MAP3K21: variants seen among roughly 807,000 people sequenced by gnomAD.
MAP3K21 encodes the protein mitogen-activated protein kinase kinase kinase 21.
Under a neutral mutation model 86.1 loss-of-function variants are expected in MAP3K21, and 63 were observed. That is an observed-to-expected ratio of 0.73 (90% CI 0.60 to 0.90). The LOEUF (loss-of-function observed/expected upper bound fraction) is 0.90. Among genes scored for constraint, MAP3K21 ranks in the 40% least tolerant of loss-of-function variants. The pLI, the probability that MAP3K21 is intolerant of heterozygous loss-of-function variation, is 0.00. For missense variants in MAP3K21, 1,220 were observed against 1,367.7 expected (o/e 0.89, Z 1.70); for synonymous variants, 558 against 564.8 (o/e 0.99, Z 0.17).
chr1:233,380,897 T>G (rs1008904346), intron 9 of MAP3K21, among the ~76,000 whole-genome samples: 2 of 152,228 alleles, frequency 1.3e-5, no homozygotes, highest in Non-Finnish European at 2.9e-5. Context: ...GCGGTATTTT[T>G]TCCATTCCTA....
intron 4 of MAP3K21, among the ~76,000 whole-genome samples, chr1:233,357,962 T>C (rs1442326491): frequency 6.6e-6 from 1 of 152,096 alleles, no homozygotes; most frequent in Non-Finnish European, 1.5e-5. Flanking sequence ...GGGAAGTCTT[T>C]ATGGGATTCT....
chr1:233,377,394 A>G lies in MAP3K21; in HGVS notation c.1924+867A>G, dbSNP rs556184519. On this transcript the variant is annotated intron_variant, in intron 8 of 9. Transcript: ENST00000366624. ...ACAATGTAAATGTATTGAATTTGTT[A>G]TTGGTACTGTGCTCAATTTCACAAG... is the stretch of plus-strand genomic sequence containing the variant. 7.2e-5 allele frequency among the ~76,000 whole-genome samples: 11 copies of G among 152,312 alleles called. No individual in the cohort carries two copies. The South Asian group carries it at 1.5e-3, about 20-fold the overall frequency.
At chr1:233,376,090 A>T in intron 7 of MAP3K21, 24 bp downstream of exon 7, 9 of 1,575,528 alleles carry the variant, frequency 5.7e-6, no homozygotes, top group Non-Finnish European at 7.7e-6. Flanking sequence ...ATCTGGTGGT[A>T]TTCATTGTGT....
At chr1:233,339,395 C>T (rs1253122485) in intron 1 of MAP3K21, among the ~76,000 whole-genome samples, 11 of 98,582 alleles carry the variant, frequency 1.1e-4, no homozygotes, top group East Asian at 8.2e-4. Flanking sequence ...TTCTTCTCCT[C>T]CTTCTCCTCC....
rs1558451262 is a variant in MAP3K21 at position 233,339,385 on chromosome 1, T to TCC, written c.806-7057_806-7056insCC. Among the ~76,000 whole-genome samples, 181 of 111,394 alleles carry TCC rather than the reference T, an allele frequency of 1.6e-3. 3 individuals are homozygous for TCC. Among genetic ancestry groups the TCC allele is most frequent in the East Asian group, 3.3e-3 (10 of 2,996 alleles). The allele number at this position is 111,394 out of a possible 152,430, so 73.1% of individuals were successfully genotyped here. A position where few individuals can be genotyped will look rare whatever the true frequency, so the allele number is the denominator to read the frequency against. On this transcript the variant is annotated intron_variant, in intron 1 of 9. Transcript: ENST00000366624. ...CTTCTCCTCCTTCTCCTTCTTCTCC[T>TCC]TCTTCTCCTCCTTCTCCTCCTCCTC...
intron 4 of MAP3K21, 37 bp downstream of exon 4, chr1:233,355,048 T>C (rs777085726): frequency 4.7e-6 from 7 of 1,486,630 alleles, no homozygotes; most frequent in South Asian, 1.2e-5. Context: ...TGTACTCAAA[T>C]TTATGAAAAC....
At chr1:233,343,479 C>G (rs893862958) in intron 1 of MAP3K21, among the ~76,000 whole-genome samples, 1 of 152,176 alleles carries the variant, frequency 6.6e-6, no homozygotes, top group Non-Finnish European at 1.5e-5. Flanking sequence ...CATGCATTTC[C>G]TCACCACTCT....
chr1:233,368,234 C>T (rs1663616430), intron 5 of MAP3K21, among the ~76,000 whole-genome samples: 1 of 152,178 alleles, frequency 6.6e-6, no homozygotes, highest in Admixed American at 6.5e-5. Flanking sequence ...TGACTTTAGT[C>T]TAAACTGTTT....
chr1:233,328,909 A>C lies in MAP3K21; in HGVS notation c.805+76A>C. 7.9e-7 allele frequency: 1 copy of C among 1,263,932 alleles called. No individual in the cohort carries two copies. Among genetic ancestry groups the C allele is most frequent in the Admixed American group, 3.8e-5 (1 of 26,352 alleles). The allele number at this position is 1,263,932 out of a possible 1,614,324, so 78.3% of individuals were successfully genotyped here. A position where few individuals can be genotyped will look rare whatever the true frequency, so the allele number is the denominator to read the frequency against. On this transcript the variant is annotated intron_variant, in intron 1 of 9. Coordinates refer to ENST00000366624, the MANE Select transcript of MAP3K21 (RefSeq NM_032435.3). This position sits in a 1 kb window ranked among gnomAD's most constrained non-coding sequence, Gnocchi z 8.7. ...GGCGGGCTCCACAGGACATAGTACC[A>C]GATGGAAAGAGGTGGGAGTCAGCCT... is the stretch of plus-strand genomic sequence containing the variant.
chr1:233,376,613 G>T lies in MAP3K21; in HGVS notation c.1924+86G>T, dbSNP rs745509940. ...AGCTTTGCTTTTACAGTCTTACGTG[G>T]TCATTAAAGTAGCAGAGGGGAGATT... On this transcript the variant is annotated intron_variant, in intron 8 of 9. Coordinates refer to ENST00000366624, the MANE Select transcript of MAP3K21 (RefSeq NM_032435.3). 4.7e-6 allele frequency: 4 copies of T among 845,328 alleles called. No individual in the cohort carries two copies. The South Asian group carries it at 4.8e-5, about 10-fold the overall frequency. The allele number at this position is 845,328 out of a possible 1,614,324, so 52.4% of individuals were successfully genotyped here.
intron 2 of MAP3K21, among the ~76,000 whole-genome samples, chr1:233,347,730 A>G (rs905225659): frequency 1.3e-5 from 2 of 152,140 alleles, no homozygotes; most frequent in Non-Finnish European, 2.9e-5. Context: ...GGACTAAGAG[A>G]AGGTGGAGGG....
chr1:233,375,693 G>A (rs1325449532), intron 6 of MAP3K21: 8 of 500,172 alleles, frequency 1.6e-5, no homozygotes, highest in Middle Eastern at 5.0e-4. Context: ...AATTTACCTC[G>A]AATTTGTATC....
rs369143371 is a variant in MAP3K21 at position 233,328,220 on chromosome 1, G to A, written c.192G>A (p.Leu64=). 433 of 1,490,200 alleles carry A rather than the reference G, an allele frequency of 2.9e-4. No homozygotes were observed. Among genetic ancestry groups the A allele is most frequent in the Middle Eastern group, 6.8e-4 (3 of 4,394 alleles). The allele number at this position is 1,490,200 out of a possible 1,614,324, so 92.3% of individuals were successfully genotyped here. The part of the protein sequence containing the change: ...EDELSLRRGQ[L]VEVLSQDAAV... The stretch of plus-strand genomic sequence containing the variant: ...AGCTGAGCCTGCGGCGCGGCCAGCT[G>A]GTGGAGGTGCTGTCGCAGGACGCCG... The change falls in exon 1 of 10, where the codon CTG becomes CTA. Residue 64 remains leucine (L), a synonymous_variant. Coordinates refer to ENST00000366624, the MANE Select transcript of MAP3K21 (RefSeq NM_032435.3). The surrounding 1 kb of genome is among the most constrained non-coding windows in gnomAD (Gnocchi z 8.7).
chr1:233,328,895 C>G lies in MAP3K21; in HGVS notation c.805+62C>G. The stretch of plus-strand genomic sequence containing the variant: ...TCCGTGCCAGCCCAGGCGGGCTCCA[C>G]AGGACATAGTACCAGATGGAAAGAG... On this transcript the variant is annotated intron_variant, in intron 1 of 9. Transcript: ENST00000366624. The surrounding 1 kb of genome is among the most constrained non-coding windows in gnomAD (Gnocchi z 8.7). 1 of 1,362,492 alleles carries G rather than the reference C, an allele frequency of 7.3e-7. No homozygotes were observed. Among genetic ancestry groups the G allele is most frequent in the Non-Finnish European group, 9.5e-7 (1 of 1,049,764 alleles). 84.4% of individuals were successfully genotyped at this position (1,362,492 alleles called of 1,614,324 possible). A position where few individuals can be genotyped will look rare whatever the true frequency, so the allele number is the denominator to read the frequency against.
chr1:233,370,365 A>G (rs1663659383), intron 5 of MAP3K21, among the ~76,000 whole-genome samples: 1 of 152,212 alleles, frequency 6.6e-6, no homozygotes, highest in African/African-American at 2.4e-5. Context: ...AATGGGATTC[A>G]GATCTAAGTT....
At position 233,328,227 on chromosome 1, in the gene MAP3K21, G is replaced by A; in HGVS notation, c.199G>A (p.Val67Met). 1 of 1,490,892 alleles carries A rather than the reference G, an allele frequency of 6.7e-7. No individual in the cohort carries two copies. The highest frequency in any genetic ancestry group is 2.9e-5 in the East Asian group (1 of 34,592). 92.4% of individuals were successfully genotyped at this position (1,490,892 alleles called of 1,614,324 possible). Residue 67 changes from valine to methionine, a missense_variant, in exon 1 of 10, where the codon GTG becomes ATG. By Grantham distance (21) the Val-to-Met change is conservative. This residue lies in a region of MAP3K21 where 369 missense variants were observed against 385.3 expected (regional missense o/e 0.96). Coordinates refer to ENST00000366624, the MANE Select transcript of MAP3K21 (RefSeq NM_032435.3). The surrounding 1 kb of genome is among the most constrained non-coding windows in gnomAD (Gnocchi z 8.7). ...LSLRRGQLVE[V>M]LSQDAAVSGD... ...CCTGCGGCGCGGCCAGCTGGTGGAG[G>A]TGCTGTCGCAGGACGCCGCCGTGTC... is the stretch of plus-strand genomic sequence containing the variant.
intron 1 of MAP3K21, among the ~76,000 whole-genome samples, chr1:233,339,348 C>CT (rs1438898405): frequency 1.5e-4 from 15 of 99,364 alleles, no homozygotes; most frequent in Admixed American, 2.7e-4. Context: ...TCTCCCTCTT[C>CT]TCCCTCTTCT....
intron 2 of MAP3K21, among the ~76,000 whole-genome samples, chr1:233,347,555 GAA>G (rs983504121): frequency 1.3e-5 from 2 of 152,196 alleles, no homozygotes; most frequent in Non-Finnish European, 2.9e-5. Context: ...ACACAGCCAT[GAA>G]AAGAGTGGAA....
intron 9 of MAP3K21, among the ~76,000 whole-genome samples, chr1:233,380,842 C>T (rs1367357026): frequency 6.6e-6 from 1 of 152,146 alleles, no homozygotes. Flanking sequence ...AGAATTTAAA[C>T]CCGGGATCCT....
Sources: gnomAD v4.1 joint callset for allele counts (sites outside exome capture counted in the v4.1 genomes callset) on GRCh38, gnomAD v4.1.1 for gene constraint, gnomAD v4.1.1 regional missense constraint, Gnocchi (gnomAD v3.1) non-coding constraint, MANE v1.5 for transcripts, NCBI Gene and HGNC (gene_info 2026-07-23, HGNC 2026-07-21) for gene names.